Variants in AGBL4 observed in about 807,000 individuals in gnomAD.
The protein encoded by AGBL4 is AGBL carboxypeptidase 4, also known as cytosolic carboxypeptidase 6.
Under a neutral mutation model 66.4 loss-of-function variants are expected in AGBL4, and 58 were observed. That is an observed-to-expected ratio of 0.87 (90% CI 0.71 to 1.09). The LOEUF (loss-of-function observed/expected upper bound fraction) is 1.09, where lower values mean the gene tolerates loss of function less well. Among genes scored for constraint, AGBL4 ranks in the 50% least tolerant of loss-of-function variants. The pLI, the probability that AGBL4 is intolerant of heterozygous loss-of-function variation, is 0.00. For synonymous variants in AGBL4, 234 were observed against 222.9 expected (o/e 1.05, Z -0.44); for missense variants, 579 against 631.0 (o/e 0.92, Z 0.88).
intron 2 of AGBL4, among the ~76,000 whole-genome samples, chr1:49,843,683 T>C (rs767507875): frequency 6.6e-6 from 1 of 152,204 alleles, no homozygotes; most frequent in Non-Finnish European, 1.5e-5. Context: ...CTCCCTCCCA[T>C]GTAATGGGAA....
At chr1:49,668,531 C>G (rs1295262401) in intron 3 of AGBL4, among the ~76,000 whole-genome samples, 1 of 152,100 alleles carries the variant, frequency 6.6e-6, no homozygotes, top group Non-Finnish European at 1.5e-5. Context: ...TTTCCTCTAC[C>G]TGCTAATAGG....
intron 2 of AGBL4, among the ~76,000 whole-genome samples, chr1:49,800,943 T>C (rs1235176909): frequency 6.8e-6 from 1 of 146,268 alleles, no homozygotes; most frequent in African/African-American, 2.5e-5. Context: ...ATCGCCACAC[T>C]GACTTCCACA....
At chr1:48,853,501 C>T (rs1647077729) in intron 6 of AGBL4, among the ~76,000 whole-genome samples, 1 of 152,158 alleles carries the variant, frequency 6.6e-6, no homozygotes, top group South Asian at 2.1e-4. Flanking sequence ...CTACATTAGC[C>T]ACTTTACATA....
chr1:49,939,646 C>G (rs1208747907), intron 1 of AGBL4, among the ~76,000 whole-genome samples: 1 of 152,158 alleles, frequency 6.6e-6, no homozygotes, highest in Non-Finnish European at 1.5e-5. Context: ...AACTGGCTAG[C>G]CATATGTAGA....
At chr1:49,589,079 T>C (rs907562905) in intron 3 of AGBL4, among the ~76,000 whole-genome samples, 4 of 152,084 alleles carry the variant, frequency 2.6e-5, no homozygotes. Flanking sequence ...CCAGTGAAGG[T>C]AGGGAGGACA....
intron 4 of AGBL4, among the ~76,000 whole-genome samples, chr1:49,067,456 A>G (rs776211379): frequency 2.6e-5 from 4 of 152,132 alleles, no homozygotes; most frequent in Non-Finnish European, 4.4e-5. Context: ...TGCTTAGCCC[A>G]CTGGCATTCT....
rs561464581 is a variant in AGBL4 at position 49,958,629 on chromosome 1, G to T, written c.34+65134C>A. On this transcript the variant is annotated intron_variant, in intron 1 of 13. Transcript: ENST00000371839. ...AAATACCACATGTTCTCACTCATAGGTGGGAATTGAACAATGAGAACACAT... is the reference window on the plus strand; with the variant it reads ...AAATACCACATGTTCTCACTCATAGTTGGGAATTGAACAATGAGAACACAT... 3.2e-4 allele frequency among the ~76,000 whole-genome samples: 47 copies of T among 147,188 alleles called. 1 individual carries two copies. The South Asian group carries it at 0.01, about 31-fold the overall frequency.
chr1:49,581,513 G>C (rs1644541775), intron 3 of AGBL4, among the ~76,000 whole-genome samples: 1 of 152,140 alleles, frequency 6.6e-6, no homozygotes, highest in Admixed American at 6.6e-5. Flanking sequence ...TTTCTTGAAG[G>C]TGTGACTATG....
chr1:48,942,310 T>C (rs1390128745), intron 5 of AGBL4, among the ~76,000 whole-genome samples: 6 of 143,108 alleles, frequency 4.2e-5, no homozygotes. Flanking sequence ...ATTATTGTGG[T>C]GGGGGGGGGG....
chr1:49,482,605 T>C (rs1201336513), intron 3 of AGBL4, among the ~76,000 whole-genome samples: 4 of 152,008 alleles, frequency 2.6e-5, no homozygotes, highest in African/African-American at 9.7e-5. Context: ...TTTTGAATGG[T>C]TTATCATGTC....
At chr1:49,735,318 T>TGTGA (rs979377421) in intron 2 of AGBL4, among the ~76,000 whole-genome samples, 4 of 150,880 alleles carry the variant, frequency 2.7e-5, no homozygotes, top group African/African-American at 9.8e-5. Flanking sequence ...TGTGTGTGTG[T>TGTGA]GTGTGTGTGT....
chr1:48,594,037 G>A (rs926159322), intron 9 of AGBL4, among the ~76,000 whole-genome samples: 1 of 151,986 alleles, frequency 6.6e-6, no homozygotes, highest in Non-Finnish European at 1.5e-5. Flanking sequence ...GTTTAAAGAT[G>A]ATTTGCAGCC....
chr1:49,207,507 T>TTC (rs1407456598), intron 4 of AGBL4, among the ~76,000 whole-genome samples: 2 of 147,538 alleles, frequency 1.4e-5, no homozygotes, highest in African/African-American at 4.9e-5. Context: ...CTTTCTTTCT[T>TTC]TTTCTTTCTT....
chr1:49,632,946 T>C lies in AGBL4; in HGVS notation c.282+64367A>G, dbSNP rs932461021. Among the ~76,000 whole-genome samples, 23 of 152,142 alleles carry C rather than the reference T, an allele frequency of 1.5e-4. No individual in the cohort carries two copies. The East Asian group carries it at 4.5e-3, about 29-fold the overall frequency. On this transcript the variant is annotated intron_variant, in intron 3 of 13. Transcript: ENST00000371839. ...AAAATTAGCCAGGCATGGTGGCGCG[T>C]GCCTGTAGTCCCAGCTACTCGGGAG... is the stretch of plus-strand genomic sequence containing the variant.
intron 5 of AGBL4, among the ~76,000 whole-genome samples, chr1:49,033,523 T>C (rs1172302892): frequency 3.3e-5 from 5 of 152,134 alleles, no homozygotes; most frequent in Admixed American, 2.6e-4. Context: ...TGGTCAGAAC[T>C]GTGCTGGCCC....
intron 3 of AGBL4, among the ~76,000 whole-genome samples, chr1:49,608,220 G>A (rs1245374114): frequency 1.3e-5 from 2 of 151,872 alleles, no homozygotes; most frequent in African/African-American, 4.8e-5. Context: ...AGCTTGGGAG[G>A]GCATTATCTG....
intron 3 of AGBL4, among the ~76,000 whole-genome samples, chr1:49,294,472 C>T (rs1483584106): frequency 3.9e-5 from 6 of 152,170 alleles, no homozygotes; most frequent in Non-Finnish European, 8.8e-5. Flanking sequence ...TGAGGGACTG[C>T]TACAGGATCA....
intron 6 of AGBL4, among the ~76,000 whole-genome samples, chr1:48,673,297 G>A (rs918253065): frequency 3.3e-5 from 5 of 152,106 alleles, no homozygotes; most frequent in Admixed American, 2.0e-4. Context: ...TCCCCAAGCA[G>A]AGAACTGATA....
intron 3 of AGBL4, among the ~76,000 whole-genome samples, chr1:49,676,343 G>T (rs1646578756): frequency 6.6e-6 from 1 of 152,002 alleles, no homozygotes; most frequent in African/African-American, 2.4e-5. Context: ...TCCAGGCATT[G>T]CAGCACAAGG....
Sources: gnomAD v4.1 joint callset for allele counts (sites outside exome capture counted in the v4.1 genomes callset) on GRCh38, gnomAD v4.1.1 for gene constraint, MANE v1.5 for transcripts, NCBI Gene and HGNC (gene_info 2026-07-23, HGNC 2026-07-21) for gene names.